NWD2: variants seen among roughly 807,000 people sequenced by gnomAD.
NWD2 encodes NACHT and WD repeat domain containing 2.
A neutral mutation model predicts 132.7 loss-of-function variants in NWD2; 37 were observed. The ratio of observed to expected loss-of-function variants is 0.28; its 90% CI spans 0.21 to 0.37. The LOEUF is 0.37. Ranked by LOEUF, NWD2 falls within the 10% of genes least tolerant of loss-of-function variation. The pLI, the probability that NWD2 is intolerant of heterozygous loss-of-function variation, is 1.00. For synonymous variants in NWD2, 705 were observed against 803.0 expected (o/e 0.88, Z 2.06); for missense variants, 1,592 against 2,122.4 (o/e 0.75, Z 4.91).
chr4:37,279,065 T>TA (rs1004955987), intron 1 of NWD2, among the ~76,000 whole-genome samples: 7 of 152,124 alleles, frequency 4.6e-5, no homozygotes, highest in South Asian at 4.2e-4. Context: ...CAAGGTTGAT[T>TA]AAAAAAAACA....
chr4:37,392,093 TG>T (rs1720689491), intron 3 of NWD2, among the ~76,000 whole-genome samples: 1 of 152,020 alleles, frequency 6.6e-6, no homozygotes, highest in South Asian at 2.1e-4. Context: ...CCCAGCTACT[TG>T]GGAGGCTGAG....
At chr4:37,316,240 A>G (rs2109283439) in intron 1 of NWD2, among the ~76,000 whole-genome samples, 1 of 152,132 alleles carries the variant, frequency 6.6e-6, no homozygotes, top group Admixed American at 6.5e-5. Flanking sequence ...TTTTAAAAAT[A>G]GTTTTGTTGA....
Position 37,447,311 on chromosome 4 carries a change from C to A in NWD2, c.*94C>A, listed in dbSNP as rs1712666550. On this transcript the variant is annotated 3_prime_UTR_variant, in exon 7 of 7. Transcript: ENST00000309447. ...GATAAACTATTCATTTATTAAAAGG[C>A]AGGAGCGATGCTGGAATTCCAGTGT... The A allele has an allele frequency of 1.1e-6, 1 of 940,020 alleles. No individual in the cohort carries two copies. Among genetic ancestry groups the A allele is most frequent in the Non-Finnish European group, 1.6e-6 (1 of 635,928 alleles). 58.2% of individuals were successfully genotyped at this position (940,020 alleles called of 1,614,324 possible).
chr4:37,285,528 A>G (rs556566333), intron 1 of NWD2, among the ~76,000 whole-genome samples: 29 of 152,230 alleles, frequency 1.9e-4, no homozygotes, highest in Non-Finnish European at 3.7e-4. Context: ...CTAGGAATCA[A>G]CTGAAAAATG....
chr4:37,307,941 T>C (rs1718744861), intron 1 of NWD2, among the ~76,000 whole-genome samples: 1 of 152,178 alleles, frequency 6.6e-6, no homozygotes, highest in Non-Finnish European at 1.5e-5. Context: ...TTTTTTTAGT[T>C]TCCAATTTGG....
chr4:37,350,175 T>C (rs1208961792), intron 2 of NWD2, among the ~76,000 whole-genome samples: 1 of 152,196 alleles, frequency 6.6e-6, no homozygotes, highest in Admixed American at 6.5e-5. Flanking sequence ...GGCTCTTCTT[T>C]TGGTTGCATA....
intron 1 of NWD2, among the ~76,000 whole-genome samples, chr4:37,251,527 A>G (rs1341242768): frequency 6.6e-6 from 1 of 152,176 alleles, no homozygotes. Context: ...GAGGGCAGAA[A>G]ACTGTAGAAG....
chr4:37,417,779 T>C (rs918521576), intron 3 of NWD2, among the ~76,000 whole-genome samples: 1 of 152,154 alleles, frequency 6.6e-6, no homozygotes, highest in Non-Finnish European at 1.5e-5. Flanking sequence ...CAACTGGGGT[T>C]GAATGTACAG....
At chr4:37,288,517 A>G (rs1475710335) in intron 1 of NWD2, among the ~76,000 whole-genome samples, 1 of 152,242 alleles carries the variant, frequency 6.6e-6, no homozygotes, top group Non-Finnish European at 1.5e-5. Flanking sequence ...CAAGCTGTCA[A>G]ATTGAACATG....
chr4:37,374,213 T>A (rs115720439), intron 3 of NWD2, among the ~76,000 whole-genome samples: 36 of 152,286 alleles, frequency 2.4e-4, no homozygotes, highest in African/African-American at 8.2e-4. Context: ...GCCTGGCACC[T>A]CCTCCTCCTC....
chr4:37,359,112 C>T (rs1719926968), intron 3 of NWD2, among the ~76,000 whole-genome samples: 1 of 152,116 alleles, frequency 6.6e-6, no homozygotes, highest in Non-Finnish European at 1.5e-5. Flanking sequence ...CCTAAGCTAA[C>T]TAAAATTAGA....
chr4:37,286,472 G>A (rs1409212692), intron 1 of NWD2, among the ~76,000 whole-genome samples: 1 of 152,224 alleles, frequency 6.6e-6, no homozygotes, highest in East Asian at 1.9e-4. Flanking sequence ...TCACTTATAT[G>A]TTAATCAAAT....
chr4:37,380,844 C>G (rs1282851626), intron 3 of NWD2, among the ~76,000 whole-genome samples: 4 of 152,166 alleles, frequency 2.6e-5, no homozygotes, highest in Admixed American at 6.5e-5. Context: ...TTGATTCTGA[C>G]AAACTATTTA....
Position 37,444,548 on chromosome 4 carries a change from A to C in NWD2, c.2560A>C (p.Ile854Leu). 6.4e-7 allele frequency: 1 copy of C among 1,551,832 alleles called. No individual in the cohort carries two copies. Among genetic ancestry groups the C allele is most frequent in the South Asian group, 1.2e-5 (1 of 84,062 alleles). ...CGKTDDLLYG[I>L]IMNFSWLYTM... ...AAAAACCGATGACCTGCTTTACGGC[A>C]TCATCATGAACTTCAGCTGGCTTTA... is the stretch of plus-strand genomic sequence containing the variant. The change falls in exon 7 of 7, where the codon ATC (isoleucine) becomes CTC (leucine). Residue 854 changes from isoleucine (I) to leucine (L), a missense_variant. By Grantham distance (5) the Ile-to-Leu change is conservative. Coordinates refer to ENST00000309447, the MANE Select transcript of NWD2 (RefSeq NM_001144990.2). The surrounding 1 kb of genome is among the most constrained non-coding windows in gnomAD (Gnocchi z 4.8).
chr4:37,443,758 G>A lies in NWD2; in HGVS notation c.1770G>A (p.Arg590=), dbSNP rs2109331047. 1 of 1,551,914 alleles carries A rather than the reference G, an allele frequency of 6.4e-7. No homozygotes were observed. The highest frequency in any genetic ancestry group is 8.7e-7 in the Non-Finnish European group (1 of 1,147,072). Residue 590 remains arginine (R), a synonymous_variant, in exon 7 of 7, where the codon AGG becomes AGA. Transcript: ENST00000309447. This position sits in a 1 kb window ranked among gnomAD's most constrained non-coding sequence, Gnocchi z 4.1. ...AACACCAGCTGCTGCGCGTCAAAAG[G>A]AAGGTCACATCAGGCCAGCAGATTT... The part of the protein sequence containing the change: ...VLKHQLLRVK[R]KVTSGQQIYV...
intron 3 of NWD2, among the ~76,000 whole-genome samples, chr4:37,389,015 G>A (rs1025950935): frequency 1.3e-5 from 2 of 152,026 alleles, no homozygotes; most frequent in Admixed American, 6.6e-5. Flanking sequence ...ATACTAAAAG[G>A]TGGTGAAAAA....
chr4:37,260,488 T>A (rs1158549357), intron 1 of NWD2, among the ~76,000 whole-genome samples: 2 of 152,230 alleles, frequency 1.3e-5, no homozygotes, highest in African/African-American at 4.8e-5. Context: ...TCTACTCGAT[T>A]GCCTGAAAAA....
intron 1 of NWD2, among the ~76,000 whole-genome samples, chr4:37,297,759 TG>T (rs966072197): frequency 3.9e-5 from 6 of 152,212 alleles, no homozygotes; most frequent in African/African-American, 9.6e-5. Flanking sequence ...CTTTGATGTT[TG>T]TTTATGATTA....
chr4:37,383,023 CTGT>C (rs897275946), intron 3 of NWD2, among the ~76,000 whole-genome samples: 4 of 152,176 alleles, frequency 2.6e-5, no homozygotes, highest in South Asian at 2.1e-4. Flanking sequence ...GCTGAAAGTG[CTGT>C]TGTTGTCTCA....
Sources: gnomAD v4.1 joint callset for allele counts (sites outside exome capture counted in the v4.1 genomes callset) on GRCh38, gnomAD v4.1.1 for gene constraint, Gnocchi (gnomAD v3.1) non-coding constraint, MANE v1.5 for transcripts, NCBI Gene and HGNC (gene_info 2026-07-23, HGNC 2026-07-21) for gene names.